Variants in ZNF385D observed in about 807,000 individuals in gnomAD.
ZNF385D encodes zinc finger protein 659.
A neutral mutation model predicts 35.8 loss-of-function variants in ZNF385D; 15 were observed. The observed-to-expected ratio is 0.42, with a 90% CI of 0.28 to 0.64. The LOEUF (loss-of-function observed/expected upper bound fraction) is 0.64, where lower values mean the gene tolerates loss of function less well. Ranked by LOEUF, ZNF385D falls within the 30% of genes least tolerant of loss-of-function variation. ZNF385D has a pLI of 0.23. For synonymous variants in ZNF385D, 212 were observed against 186.8 expected, an observed-to-expected ratio of 1.13 and a Z score of -1.10; for missense variants, 474 against 494.6, an observed-to-expected ratio of 0.96 and a Z score of 0.39.
chr3:21,733,339 C>A (rs560172312), intron 1 of ZNF385D, among the ~76,000 whole-genome samples: 1 of 152,178 alleles, frequency 6.6e-6, no homozygotes, highest in African/African-American at 2.4e-5. Flanking sequence ...ACTTTGTCCT[C>A]CTTCAATATT....
intron 3 of ZNF385D, among the ~76,000 whole-genome samples, chr3:22,079,668 A>C (rs920674118): frequency 1.3e-5 from 2 of 152,030 alleles, no homozygotes; most frequent in African/African-American, 2.4e-5. Context: ...GGTTTCATTG[A>C]TAGCATAAGG....
intron 3 of ZNF385D, among the ~76,000 whole-genome samples, chr3:21,766,743 A>G (rs1420234404): frequency 3.9e-5 from 6 of 152,092 alleles, no homozygotes; most frequent in Non-Finnish European, 8.8e-5. Flanking sequence ...GATGGAGCAA[A>G]GGGAGAATAA....
chr3:21,849,659 T>C (rs1158984936), intron 3 of ZNF385D: 1 of 140,456 alleles, frequency 7.1e-6, no homozygotes, highest in Non-Finnish European at 1.5e-5. Context: ...TCATTACCTC[T>C]GGTCTGAATC....
At chr3:22,352,717 C>T (rs1695972602) in intron 2 of ZNF385D, among the ~76,000 whole-genome samples, 1 of 152,118 alleles carries the variant, frequency 6.6e-6, no homozygotes, top group African/African-American at 2.4e-5. Context: ...GTAATTCATT[C>T]ACTCTAAACA....
chr3:21,687,267 T>G (rs79106063), intron 1 of ZNF385D, among the ~76,000 whole-genome samples: 1 of 152,258 alleles, frequency 6.6e-6, no homozygotes, highest in African/African-American at 2.4e-5. Flanking sequence ...CCAGATAAAA[T>G]AGGCAGAGGA....
At chr3:22,017,188 A>T (rs1213837473) in intron 3 of ZNF385D, among the ~76,000 whole-genome samples, 1 of 152,032 alleles carries the variant, frequency 6.6e-6, no homozygotes, top group Non-Finnish European at 1.5e-5. Flanking sequence ...ATTAAAACCC[A>T]TTTCTCTTCT....
intron 3 of ZNF385D, among the ~76,000 whole-genome samples, chr3:21,558,980 C>T (rs987541526): frequency 7.3e-6 from 1 of 137,646 alleles, no homozygotes; most frequent in Admixed American, 7.7e-5. Context: ...ACTAGGATTG[C>T]AACCCCTGCT....
At chr3:22,003,272 T>C (rs1026344195) in intron 3 of ZNF385D, among the ~76,000 whole-genome samples, 1 of 152,196 alleles carries the variant, frequency 6.6e-6, no homozygotes, top group Admixed American at 6.5e-5. Context: ...AGCTTTTCTA[T>C]GTATCAATAA....
At chr3:22,267,124 T>G (rs1700935226) in intron 2 of ZNF385D, among the ~76,000 whole-genome samples, 1 of 151,964 alleles carries the variant, frequency 6.6e-6, no homozygotes, top group Non-Finnish European at 1.5e-5. Flanking sequence ...CTAAGCTAAC[T>G]CACTGCTTTC....
At chr3:21,633,999 C>T (rs1342775036) in intron 2 of ZNF385D, among the ~76,000 whole-genome samples, 1 of 151,890 alleles carries the variant, frequency 6.6e-6, no homozygotes, top group Non-Finnish European at 1.5e-5. Flanking sequence ...AGTTCAAGAA[C>T]AGCCTAGGCA....
chr3:21,476,072 C>T (rs997047363), intron 4 of ZNF385D, among the ~76,000 whole-genome samples: 10 of 152,102 alleles, frequency 6.6e-5, no homozygotes, highest in Admixed American at 6.6e-4. Context: ...TTGAACACAG[C>T]TCTGTAAACA....
chr3:22,029,034 C>T (rs1488129378), intron 3 of ZNF385D, among the ~76,000 whole-genome samples: 1 of 152,130 alleles, frequency 6.6e-6, no homozygotes, highest in Non-Finnish European at 1.5e-5. Context: ...GATCCACTAG[C>T]ACAGTTTTTG....
At chr3:22,081,926 G>C (rs140819670) in intron 3 of ZNF385D, among the ~76,000 whole-genome samples, 162 of 150,958 alleles carry the variant, frequency 1.1e-3, no homozygotes, top group Middle Eastern at 0.011. Context: ...ACCTCTTAAA[G>C]CTATTGCTTC....
At chr3:21,729,729 A>G (rs1477659699) in intron 1 of ZNF385D, among the ~76,000 whole-genome samples, 2 of 152,206 alleles carry the variant, frequency 1.3e-5, no homozygotes, top group South Asian at 2.1e-4. Flanking sequence ...AAAAGAGAGA[A>G]TACCTTAATA....
At chr3:22,093,138 TAA>T (rs1054525694) in intron 3 of ZNF385D, among the ~76,000 whole-genome samples, 3 of 152,112 alleles carry the variant, frequency 2.0e-5, no homozygotes, top group Admixed American at 2.0e-4. Flanking sequence ...TTGCATTTAA[TAA>T]AGAGTTAGAA....
intron 3 of ZNF385D, among the ~76,000 whole-genome samples, chr3:21,814,016 A>C (rs1361735388): frequency 6.6e-6 from 1 of 152,340 alleles, no homozygotes; most frequent in Non-Finnish European, 1.5e-5. Context: ...GGCAGAAACC[A>C]TACAAGCCAG....
At chr3:21,440,460 C>A (rs2125243935) in intron 4 of ZNF385D, among the ~76,000 whole-genome samples, 1 of 152,200 alleles carries the variant, frequency 6.6e-6, no homozygotes, top group South Asian at 2.1e-4. Flanking sequence ...GTGTGCAGAA[C>A]TATCACAGTC....
chr3:21,567,568 TGACGGAAAAATTAAAAGCA>T (rs1299583344), intron 2 of ZNF385D, among the ~76,000 whole-genome samples: 1 of 151,886 alleles, frequency 6.6e-6, no homozygotes, highest in African/African-American at 2.4e-5. Context: ...AGCCACCAGC[TGACGGAAAAATTAAAAGCA>T]GAAAGAGGTC....
intron 7 of ZNF385D, among the ~76,000 whole-genome samples, chr3:21,422,796 T>G (rs1482067117): frequency 2.0e-5 from 3 of 152,162 alleles, no homozygotes; most frequent in Non-Finnish European, 4.4e-5. Context: ...CACCCCTTCA[T>G]GATAAAACTC....
Sources: allele counts gnomAD v4.1 joint callset (sites outside exome capture counted in the v4.1 genomes callset), GRCh38; gene constraint gnomAD v4.1.1; transcripts MANE v1.5; gene names NCBI Gene and HGNC (gene_info 2026-07-23, HGNC 2026-07-21).